The following NEBL variants were observed in gnomAD, a reference collection of about 807,000 sequenced individuals.
NEBL encodes the protein LIM and SH3 protein 2.
NEBL carries 122 observed loss-of-function variants against 140.2 expected under a neutral mutation model. The observed-to-expected ratio is 0.87, with a 90% CI of 0.75 to 1.01. NEBL has a LOEUF of 1.01. Among genes scored for constraint, NEBL ranks in the 50% least tolerant of loss-of-function variants. The probability of loss-of-function intolerance (pLI) is 0.00; values close to 1 mark genes in which losing one functional copy is unlikely to be tolerated. For missense variants in NEBL, 1,365 were observed against 1,231.3 expected, an observed-to-expected ratio of 1.11 and a Z score of -1.62; for synonymous variants, 436 against 398.9, an observed-to-expected ratio of 1.09 and a Z score of -1.11.
At chr10:20,848,201 G>T (rs966815445) in intron 11 of NEBL, among the ~76,000 whole-genome samples, 1 of 152,156 alleles carries the variant, frequency 6.6e-6, no homozygotes, top group African/African-American at 2.4e-5. Context: ...TGCAGTGGAA[G>T]ATAGTAAAGC....
At chr10:21,103,809 C>T (rs2083444) in intron 2 of NEBL, among the ~76,000 whole-genome samples, 17,834 of 152,074 alleles carry the variant, frequency 0.12, 1,092 homozygotes, top group South Asian at 0.15. Flanking sequence ...GTCAATGTAT[C>T]CATTTTTTTC....
chr10:20,935,190 C>T (rs952738), intron 4 of NEBL, among the ~76,000 whole-genome samples: 70,251 of 151,890 alleles, frequency 0.46, 17,702 homozygotes, highest in Non-Finnish European at 0.55. Flanking sequence ...AAAGTCACCC[C>T]GAGGAAGCAT....
chr10:21,026,767 G>T (rs1833517304), intron 2 of NEBL, among the ~76,000 whole-genome samples: 1 of 152,214 alleles, frequency 6.6e-6, no homozygotes, highest in Non-Finnish European at 1.5e-5. Context: ...TGAAAGGCCT[G>T]CTTAGAAGGA....
intron 2 of NEBL, among the ~76,000 whole-genome samples, chr10:21,110,287 G>A (rs1429685803): frequency 6.6e-6 from 1 of 152,084 alleles, no homozygotes; most frequent in Non-Finnish European, 1.5e-5. Context: ...AACTGAGTCT[G>A]GAGGTGTTTG....
rs746403443 is a variant in NEBL at position 20,869,751 on chromosome 10, T to A, written c.571A>T (p.Ile191Phe). Residue 191 changes from isoleucine to phenylalanine, a missense_variant, in exon 6 of 28, where the codon ATC becomes TTC. By Grantham distance (21) the Ile-to-Phe change is conservative. This residue lies in a region of NEBL where 1,323 missense variants were observed against 1,154.8 expected (regional missense o/e 1.15). Transcript: ENST00000377122. ...GAAAGAGAAGTTACATTGCTTATGA[T>A]CTTAGAGATCTGGGTTGCCATCTTG... is the stretch of plus-strand genomic sequence containing the variant. ...DIKMATQISKIISNAEYKKGQ... is the reference protein window; with the variant it reads ...DIKMATQISKFISNAEYKKGQ... 6.3e-5 allele frequency: 102 copies of A among 1,607,698 alleles called. No individual in the cohort carries two copies. The highest frequency in any genetic ancestry group is 8.3e-5 in the Non-Finnish European group (97 of 1,174,288).
intron 2 of NEBL, among the ~76,000 whole-genome samples, chr10:21,124,095 G>A (rs972609963): frequency 6.6e-6 from 1 of 151,576 alleles, no homozygotes; most frequent in African/African-American, 2.4e-5. Context: ...TTATCTACTT[G>A]GCCATTGAGA....
chr10:20,899,056 C>T (rs1588976581), upstream of NEBL, among the ~76,000 whole-genome samples: 1 of 152,310 alleles, frequency 6.6e-6, no homozygotes, highest in African/African-American at 2.4e-5. Context: ...ACAGCCATAT[C>T]ATGCTGGCCC....
chr10:21,180,899 A>C (rs1049233268), intron 3 of NEBL, among the ~76,000 whole-genome samples: 2 of 152,150 alleles, frequency 1.3e-5, no homozygotes, highest in Non-Finnish European at 2.9e-5. Context: ...GGATGTAGAA[A>C]TGTGGTAGAT....
Position 21,041,208 on chromosome 10 carries a change from C to T in NEBL, c.165-21007G>A, listed in dbSNP as rs528257552. The stretch of plus-strand genomic sequence containing the variant: ...TTTTTCAGTCCTCACTCTCCTCCCA[C>T]GCTCCACCCTCAAGTAGGCCCTAAT... On this transcript the variant is annotated intron_variant, in intron 2 of 6. Coordinates refer to the NEBL transcript ENST00000417816. 3.4e-4 allele frequency among the ~76,000 whole-genome samples: 52 copies of T among 152,308 alleles called. 1 individual carries two copies. The highest frequency in any genetic ancestry group is 1.5e-3 in the South Asian group (7 of 4,826).
chr10:21,149,182 A>T (rs141351768), intron 2 of NEBL, among the ~76,000 whole-genome samples: 1 of 152,322 alleles, frequency 6.6e-6, no homozygotes, highest in East Asian at 1.9e-4. Context: ...CTGTAGTGAG[A>T]ACTTCGGGGC....
intron 1 of NEBL, among the ~76,000 whole-genome samples, chr10:21,256,121 G>A (rs1482802318): frequency 6.6e-6 from 1 of 152,110 alleles, no homozygotes; most frequent in African/African-American, 2.4e-5. Context: ...AGGCTGCAGT[G>A]CAGTGTCACA....
chr10:21,003,247 T>C (rs942484061), intron 3 of NEBL, among the ~76,000 whole-genome samples: 2 of 152,152 alleles, frequency 1.3e-5, no homozygotes, highest in Admixed American at 6.5e-5. Flanking sequence ...TCTCCCACCC[T>C]GGGGAACACA....
intron 4 of NEBL, among the ~76,000 whole-genome samples, chr10:20,953,913 G>C (rs989596215): frequency 2.0e-5 from 3 of 151,182 alleles, no homozygotes; most frequent in Non-Finnish European, 4.4e-5. Flanking sequence ...AGGCATAACC[G>C]ATCTTGCATT....
intron 3 of NEBL, among the ~76,000 whole-genome samples, chr10:21,214,444 TACACACATGGC>T (rs879723550): frequency 1.5e-4 from 23 of 151,934 alleles, no homozygotes; most frequent in Non-Finnish European, 2.2e-4. Context: ...AACTACCCCA[TACACACATGGC>T]ACACACATGG....
At chr10:20,813,034 C>A in intron 23 of NEBL, 94 bp from the exon 24 acceptor site, 4 of 1,027,038 alleles carry the variant, frequency 3.9e-6, no homozygotes, top group Non-Finnish European at 6.0e-6. Context: ...GCACTGGCTG[C>A]GTGCAGATTG....
At position 20,982,374 on chromosome 10, in the gene NEBL, T is replaced by TTGTAGAA. The variant is rs545671813; in HGVS notation, c.250-20596_250-20595insTTCTACA. ...CAGCAAGGGTATCCTATTTTTTTAT[T>TTGTAGAA]TGTTGAACTTGAGCAAGAATTCTTT... is the stretch of plus-strand genomic sequence containing the variant. On this transcript the variant is annotated intron_variant, in intron 3 of 6. Transcript: ENST00000417816. 1.5e-4 allele frequency among the ~76,000 whole-genome samples: 21 copies of TTGTAGAA among 137,330 alleles called. 1 individual carries two copies. The South Asian group carries it at 4.6e-3, about 30-fold the overall frequency. 90.1% of individuals were successfully genotyped at this position (137,330 alleles called of 152,430 possible). A position where few individuals can be genotyped will look rare whatever the true frequency, so the allele number is the denominator to read the frequency against.
chr10:20,908,739 G>A (rs747432062), intron 4 of NEBL, among the ~76,000 whole-genome samples: 1 of 152,132 alleles, frequency 6.6e-6, no homozygotes, highest in Admixed American at 6.6e-5. Context: ...AGCAGCCAGC[G>A]CCACACAGCA....
chr10:20,929,780 A>G (rs116956181), intron 4 of NEBL, among the ~76,000 whole-genome samples: 4,023 of 152,196 alleles, frequency 0.026, 109 homozygotes, highest in South Asian at 0.11. Context: ...GACAGATGAA[A>G]AGTTACGAAA....
In NEBL at chr10:20,808,667, G is replaced by T; in HGVS notation, c.2612-8C>A. On this transcript the variant is annotated splice_polypyrimidine_tract_variant and splice_region_variant and intron_variant, in intron 25 of 27. Coordinates refer to ENST00000377122, the MANE Select transcript of NEBL (RefSeq NM_006393.3). The stretch of plus-strand genomic sequence containing the variant: ...TATAGTGACTCGCCTTTTCTATATT[G>T]GAGGGAAAATATTTACACGTGTGAT... The T allele has an allele frequency of 6.2e-7, 1 of 1,610,470 alleles. No homozygotes were observed. The highest frequency in any genetic ancestry group is 1.1e-5 in the South Asian group (1 of 90,964).
Sources: allele counts gnomAD v4.1 joint callset (sites outside exome capture counted in the v4.1 genomes callset), GRCh38; gene constraint gnomAD v4.1.1; regional missense constraint gnomAD v4.1.1; transcripts MANE v1.5; gene names NCBI Gene and HGNC (gene_info 2026-07-23, HGNC 2026-07-21).